GRIK2: variants seen among roughly 807,000 people sequenced by gnomAD.
GRIK2 encodes the protein glutamate ionotropic receptor kainate type subunit 2.
A neutral mutation model predicts 100.3 loss-of-function variants in GRIK2; 32 were observed. The observed-to-expected ratio is 0.32, with a 90% CI of 0.24 to 0.43. The LOEUF (loss-of-function observed/expected upper bound fraction) is 0.43, where lower values mean the gene tolerates loss of function less well. GRIK2 is among the 20% of genes least tolerant of loss of function. The probability of loss-of-function intolerance (pLI) is 1.00; values close to 1 mark genes in which losing one functional copy is unlikely to be tolerated. For synonymous variants in GRIK2, 417 were observed against 389.4 expected (o/e 1.07, Z -0.83); for missense variants, 843 against 1,114.9 (o/e 0.76, Z 3.47).
intron 4 of GRIK2, among the ~76,000 whole-genome samples, chr6:101,653,172 C>G (rs1159806793): frequency 6.6e-6 from 1 of 152,116 alleles, no homozygotes; most frequent in Non-Finnish European, 1.5e-5. Context: ...AGAGTGGACT[C>G]TCTCTGACAG....
At chr6:101,401,928 T>C (rs914368128) in intron 2 of GRIK2, among the ~76,000 whole-genome samples, 1 of 152,064 alleles carries the variant, frequency 6.6e-6, no homozygotes, top group Non-Finnish European at 1.5e-5. Flanking sequence ...CCCCCACCCT[T>C]GGCGTGGCTA....
At chr6:101,915,644 G>A (rs1789053178) in intron 12 of GRIK2, among the ~76,000 whole-genome samples, 1 of 151,378 alleles carries the variant, frequency 6.6e-6, no homozygotes, top group Non-Finnish European at 1.5e-5. Context: ...GAAGATTCTT[G>A]TAGTGAATCC....
At chr6:101,665,106 T>C (rs1043517947) in intron 4 of GRIK2, among the ~76,000 whole-genome samples, 1 of 152,156 alleles carries the variant, frequency 6.6e-6, no homozygotes, top group Admixed American at 6.6e-5. Context: ...ATACACTCCA[T>C]ATAACACCTC....
chr6:101,430,878 G>A (rs1769343172), intron 2 of GRIK2: 1 of 344,832 alleles, frequency 2.9e-6, no homozygotes, highest in Admixed American at 2.9e-5. Context: ...CCACTAGGCA[G>A]TGGTGGTGAA....
intron 2 of GRIK2, among the ~76,000 whole-genome samples, chr6:101,428,087 A>T (rs1769147546): frequency 6.6e-6 from 1 of 152,228 alleles, no homozygotes; most frequent in African/African-American, 2.4e-5. Context: ...TTGAATTACA[A>T]ATCCACATTT....
intron 14 of GRIK2, among the ~76,000 whole-genome samples, chr6:101,942,647 G>A (rs1332653886): frequency 6.6e-6 from 1 of 152,108 alleles, no homozygotes; most frequent in Non-Finnish European, 1.5e-5. Context: ...AGGGATCTGT[G>A]GAACTTTGAG....
rs142892972 is a variant in GRIK2 at position 102,055,020 on chromosome 6, C to T, written c.2312-310C>T. ...TGTAGATATGAATGAAACATCTTTG[C>T]ACTCTATCCGTTTTCCTTTGTGGAT... is the stretch of plus-strand genomic sequence containing the variant. On this transcript the variant is annotated intron_variant, in intron 15 of 16. Transcript: ENST00000369134. Among the ~76,000 whole-genome samples the T allele has an allele frequency of 3.0e-3, 464 of 152,270 alleles. 3 individuals carry two copies. Among genetic ancestry groups the T allele is most frequent in the African/African-American group, 9.8e-3 (408 of 41,568 alleles).
intron 2 of GRIK2, among the ~76,000 whole-genome samples, chr6:101,448,846 T>C (rs1770514506): frequency 6.6e-6 from 1 of 151,610 alleles, no homozygotes; most frequent in Non-Finnish European, 1.5e-5. Flanking sequence ...TAGAAAGTCC[T>C]TTATAATCTC....
At chr6:101,695,818 T>C (rs1374498901) in intron 7 of GRIK2, among the ~76,000 whole-genome samples, 1 of 152,082 alleles carries the variant, frequency 6.6e-6, no homozygotes, top group African/African-American at 2.4e-5. Context: ...AAGTATTACT[T>C]ACCTACATTT....
intron 4 of GRIK2, among the ~76,000 whole-genome samples, chr6:101,654,976 C>T (rs1312790810): frequency 6.6e-6 from 1 of 152,118 alleles, no homozygotes; most frequent in Non-Finnish European, 1.5e-5. Flanking sequence ...GATTGAGTGT[C>T]CTGGTACAAC....
intron 2 of GRIK2, among the ~76,000 whole-genome samples, chr6:101,411,487 C>T (rs1469257017): frequency 6.6e-6 from 1 of 152,010 alleles, no homozygotes; most frequent in East Asian, 1.9e-4. Flanking sequence ...TTCTTAGTCC[C>T]TTTATTTATT....
chr6:101,560,126 C>T (rs1486897311), intron 2 of GRIK2, among the ~76,000 whole-genome samples: 1 of 152,092 alleles, frequency 6.6e-6, no homozygotes, highest in Non-Finnish European at 1.5e-5. Flanking sequence ...GAACCCAATA[C>T]CCCTCTCCAG....
intron 11 of GRIK2, among the ~76,000 whole-genome samples, chr6:101,874,227 T>C (rs1024062152): frequency 6.6e-6 from 1 of 152,176 alleles, no homozygotes; most frequent in Non-Finnish European, 1.5e-5. Context: ...TTTATGGTTT[T>C]AGGTCTAACA....
chr6:101,920,536 CAA>C (rs1789419896), intron 12 of GRIK2, among the ~76,000 whole-genome samples: 1 of 151,824 alleles, frequency 6.6e-6, no homozygotes, highest in Admixed American at 6.6e-5. Context: ...AGGAGGAAAA[CAA>C]ATACTGAGCG....
intron 2 of GRIK2, among the ~76,000 whole-genome samples, chr6:101,621,059 G>A (rs924425020): frequency 2.0e-5 from 3 of 152,170 alleles, no homozygotes; most frequent in Admixed American, 6.5e-5. Context: ...CTTCATAAAT[G>A]TCAAGTGTCT....
intron 4 of GRIK2, among the ~76,000 whole-genome samples, chr6:101,655,863 A>C (rs553209401): frequency 2.7e-4 from 41 of 152,290 alleles, no homozygotes; most frequent in African/African-American, 9.4e-4. Flanking sequence ...GCTTAATATC[A>C]GTTATGAGAG....
At chr6:101,679,091 G>A (rs564691491) in intron 5 of GRIK2, among the ~76,000 whole-genome samples, 1 of 152,196 alleles carries the variant, frequency 6.6e-6, no homozygotes, top group Admixed American at 6.5e-5. Flanking sequence ...ACCTCACAAG[G>A]ACATTCTATC....
chr6:101,800,534 T>A (rs1237767859), intron 8 of GRIK2, among the ~76,000 whole-genome samples: 1 of 152,120 alleles, frequency 6.6e-6, no homozygotes, highest in African/African-American at 2.4e-5. Flanking sequence ...TATTACCATA[T>A]GAAATTTTTT....
intron 10 of GRIK2, among the ~76,000 whole-genome samples, chr6:101,855,088 T>G (rs1380016914): frequency 6.6e-6 from 1 of 152,140 alleles, no homozygotes; most frequent in African/African-American, 2.4e-5. Context: ...AGCTTTGTAT[T>G]TTTGAATCTG....
Sources: allele counts gnomAD v4.1 joint callset (sites outside exome capture counted in the v4.1 genomes callset), GRCh38; gene constraint gnomAD v4.1.1; transcripts MANE v1.5; gene names NCBI Gene and HGNC (gene_info 2026-07-23, HGNC 2026-07-21).